Variants in EPB41L3 observed in about 807,000 individuals in gnomAD.
EPB41L3 encodes the protein erythrocyte membrane protein band 4.1 like 3, also known as band 4.1-like protein 3.
A neutral mutation model predicts 127.1 loss-of-function variants in EPB41L3; 57 were observed. The ratio of observed to expected loss-of-function variants is 0.45; its 90% CI spans 0.36 to 0.56. The LOEUF (loss-of-function observed/expected upper bound fraction) is 0.56. Among genes scored for constraint, EPB41L3 ranks in the 20% least tolerant of loss-of-function variants. The pLI is 0.00. For missense variants in EPB41L3, 1,273 were observed against 1,372.2 expected, an observed-to-expected ratio of 0.93 and a Z score of 1.14; for synonymous variants, 572 against 549.5, an observed-to-expected ratio of 1.04 and a Z score of -0.57.
rs955539084 is a variant in EPB41L3, at chr18:5,489,336, G to A, written c.-11-142C>T. On this transcript the variant is annotated intron_variant, in intron 1 of 22. Transcript: ENST00000341928. ...CAAACCCCATCCTATTCCACACACT[G>A]GACAGATGACTTGTCAACTTCACCA... 6.6e-6 allele frequency: 6 copies of A among 912,220 alleles called. No homozygotes were observed. The South Asian group carries it at 7.7e-5, about 12-fold the overall frequency. 56.5% of individuals were successfully genotyped at this position (912,220 alleles called of 1,614,324 possible).
chr18:5,587,308 T>C (rs1384295779), intron 3 of EPB41L3, among the ~76,000 whole-genome samples: 2 of 152,118 alleles, frequency 1.3e-5, no homozygotes, highest in East Asian at 3.8e-4. Flanking sequence ...ACGTTAGTTT[T>C]GCACAGTTGA....
At chr18:5,572,579 G>T (rs996507896) in intron 3 of EPB41L3, among the ~76,000 whole-genome samples, 3 of 151,996 alleles carry the variant, frequency 2.0e-5, no homozygotes, top group East Asian at 3.9e-4. Flanking sequence ...TTTGGTTTTG[G>T]TTTTGTTTTT....
Position 5,605,867 on chromosome 18 carries a change from T to C in EPB41L3, c.-306+6473A>G, listed in dbSNP as rs149011574. Among the ~76,000 whole-genome samples, 385 of 152,276 alleles carry C rather than the reference T, an allele frequency of 2.5e-3. 1 individual carries two copies. The highest frequency in any genetic ancestry group is 8.3e-3 in the African/African-American group (343 of 41,560). On this transcript the variant is annotated intron_variant, in intron 3 of 21. Transcript: ENST00000545076. ...GTTCGGAGGCAGGAGGTTATCAGAA[T>C]TGACTTCTTGTAGGAGCTGTGTGTA...
rs1403170811 is a variant in EPB41L3 at position 5,543,742 on chromosome 18, C to A, written c.-12+171G>T. On this transcript the variant is annotated intron_variant, in intron 1 of 22. Transcript: ENST00000341928. This position sits in a 1 kb window ranked among gnomAD's most constrained non-coding sequence, Gnocchi z 5.2. ...CGGCGAGCGGGAGGGCGGTTGGGGA[C>A]CCCGGCCGCGCCGGGCGCGGGGCTC... Among the ~76,000 whole-genome samples, 1 of 147,540 alleles carries A rather than the reference C, an allele frequency of 6.8e-6. No homozygotes were observed. The highest frequency in any genetic ancestry group is 1.5e-5 in the Non-Finnish European group (1 of 66,536).
At chr18:5,586,565 AT>A (rs10669405) in intron 3 of EPB41L3, among the ~76,000 whole-genome samples, 630 of 125,960 alleles carry the variant, frequency 5.0e-3, no homozygotes, top group Middle Eastern at 0.021. Context: ...ATACATGACT[AT>A]TTTTTTTTTT....
chr18:5,419,827 A>G lies in EPB41L3; in HGVS notation c.1390T>C (p.Leu464=), dbSNP rs765978761. Reference sequence around the variant, plus strand: ...TTCTCCGGAGTCACAGTGGTGATCAAGTTGGTCTGAGAGATGCCTTTTGTT... The same window carrying G: ...TTCTCCGGAGTCACAGTGGTGATCAGGTTGGTCTGAGAGATGCCTTTTGTT... ...ATTKGISQTN[L]ITTVTPEKKA... Residue 464 remains leucine, a synonymous_variant, in exon 12 of 23, where the codon TTG becomes CTG. Transcript: ENST00000341928. 52 of 1,614,218 alleles carry G rather than the reference A, an allele frequency of 3.2e-5. No homozygotes were observed. The East Asian group carries it at 1.0e-3, about 32-fold the overall frequency.
At chr18:5,605,841 G>A (rs1360285330) in intron 3 of EPB41L3, among the ~76,000 whole-genome samples, 1 of 152,176 alleles carries the variant, frequency 6.6e-6, no homozygotes, top group African/African-American at 2.4e-5. Flanking sequence ...TACCAGGAGG[G>A]GTTCGGAGGC....
chr18:5,472,017 G>A (rs1031533989), intron 3 of EPB41L3, among the ~76,000 whole-genome samples: 1 of 151,866 alleles, frequency 6.6e-6, no homozygotes, highest in Admixed American at 6.6e-5. Flanking sequence ...GATGAAATAG[G>A]ACTCCTACTG....
At chr18:5,395,486 C>T (rs2073237142) in intron 20 of EPB41L3, 123 bp downstream of exon 20, 6 of 846,398 alleles carry the variant, frequency 7.1e-6, no homozygotes, top group Admixed American at 6.1e-5. Flanking sequence ...TTGCAGCTAT[C>T]CCGGCGTCCT....
At chr18:5,602,868 C>A (rs2094605935) in intron 3 of EPB41L3, among the ~76,000 whole-genome samples, 1 of 152,186 alleles carries the variant, frequency 6.6e-6, no homozygotes, top group Non-Finnish European at 1.5e-5. Context: ...AGGAAAGCTA[C>A]AGACTAAAAT....
At chr18:5,473,730 C>T (rs1377327148) in intron 3 of EPB41L3, among the ~76,000 whole-genome samples, 1 of 152,058 alleles carries the variant, frequency 6.6e-6, no homozygotes, top group Non-Finnish European at 1.5e-5. Context: ...GAGAAATAAG[C>T]ATCAACAACA....
At chr18:5,576,239 T>A (rs1203496413) in intron 3 of EPB41L3, among the ~76,000 whole-genome samples, 1 of 152,204 alleles carries the variant, frequency 6.6e-6, no homozygotes, top group Non-Finnish European at 1.5e-5. Context: ...AAAATAGGAA[T>A]AATACTTAAA....
upstream of EPB41L3, chr18:5,630,371 G>T (rs1405413740): frequency 7.7e-6 from 4 of 518,260 alleles, no homozygotes; most frequent in Admixed American, 5.8e-5. Context: ...AGAGAAAGGC[G>T]CTCACCTGAG....
intron 3 of EPB41L3, 120 bp downstream of exon 3, chr18:5,478,121 G>T: frequency 2.6e-6 from 2 of 763,584 alleles, no homozygotes; most frequent in East Asian, 2.7e-5. Flanking sequence ...TATATTTAGA[G>T]ACTGGGTTTG....
At chr18:5,607,722 T>C (rs1280562929) in intron 3 of EPB41L3, among the ~76,000 whole-genome samples, 3 of 152,182 alleles carry the variant, frequency 2.0e-5, no homozygotes, top group African/African-American at 7.2e-5. Flanking sequence ...TTCACTTATC[T>C]AGAGACAGAA....
At chr18:5,439,827 T>C (rs905174928) in intron 5 of EPB41L3, among the ~76,000 whole-genome samples, 12 of 152,226 alleles carry the variant, frequency 7.9e-5, no homozygotes, top group African/African-American at 2.9e-4. Context: ...GAGATCTGGC[T>C]TTCCCCCAAG....
intron 2 of EPB41L3, among the ~76,000 whole-genome samples, chr18:5,613,569 TC>T (rs542200718): frequency 1.3e-5 from 2 of 152,190 alleles, no homozygotes; most frequent in Non-Finnish European, 2.9e-5. Context: ...GACTGGGAAG[TC>T]CCTAAGATCC....
At chr18:5,486,765 C>T (rs1049923868) in intron 2 of EPB41L3, among the ~76,000 whole-genome samples, 1 of 152,032 alleles carries the variant, frequency 6.6e-6, no homozygotes, top group Non-Finnish European at 1.5e-5. Context: ...CAAATCAAGA[C>T]CACAATTGAG....
chr18:5,511,946 T>C (rs1235448124), intron 1 of EPB41L3, among the ~76,000 whole-genome samples: 1 of 152,198 alleles, frequency 6.6e-6, no homozygotes, highest in African/African-American at 2.4e-5. Flanking sequence ...AAGTAATATT[T>C]GAGAATAACT....
Sources: gnomAD v4.1 joint callset for allele counts (sites outside exome capture counted in the v4.1 genomes callset) on GRCh38, gnomAD v4.1.1 for gene constraint, Gnocchi (gnomAD v3.1) non-coding constraint, MANE v1.5 for transcripts, NCBI Gene and HGNC (gene_info 2026-07-23, HGNC 2026-07-21) for gene names.